The following SLC2A1 variants were observed in gnomAD, a reference collection of about 807,000 sequenced individuals.
The protein encoded by SLC2A1 is solute carrier family 2 member 1.
A neutral mutation model predicts 46.6 loss-of-function variants in SLC2A1; 4 were observed. That is an observed-to-expected ratio of 0.09 (90% CI 0.04 to 0.20). The LOEUF is 0.20. SLC2A1 is among the 10% of genes least tolerant of loss of function. SLC2A1 has a pLI of 1.00. For synonymous variants in SLC2A1, 253 were observed against 270.0 expected (o/e 0.94, Z 0.62); for missense variants, 352 against 667.0 (o/e 0.53, Z 5.20).
chr1:42,958,586 G>C (rs1339250074), intron 1 of SLC2A1, 48 bp downstream of exon 1: 1 of 1,502,210 alleles, frequency 6.7e-7, no homozygotes, highest in African/African-American at 1.4e-5. Context: ...GCGGGCAGGA[G>C]TCTGCGCCTT....
intron 1 of SLC2A1, among the ~76,000 whole-genome samples, chr1:42,944,766 C>A (rs924713864): frequency 2.6e-5 from 4 of 152,216 alleles, no homozygotes; most frequent in African/African-American, 9.7e-5. Context: ...TCCCATTAGT[C>A]TGTCTACCTG....
At chr1:42,932,428 T>G (rs1327157887) in intron 2 of SLC2A1, among the ~76,000 whole-genome samples, 1 of 152,204 alleles carries the variant, frequency 6.6e-6, no homozygotes, top group Non-Finnish European at 1.5e-5. Flanking sequence ...CGGCTTCTTA[T>G]GCACGTATAC....
intron 1 of SLC2A1, among the ~76,000 whole-genome samples, chr1:42,947,122 A>G (rs900837): frequency 0.78 from 119,422 of 152,194 alleles, 46,967 homozygotes; most frequent in African/African-American, 0.79. Flanking sequence ...GCCAGTGGCT[A>G]GAACTGGAAC....
intron 1 of SLC2A1, 52 bp downstream of exon 1, chr1:42,958,582 A>T: frequency 1.4e-6 from 2 of 1,477,760 alleles, no homozygotes; most frequent in South Asian, 1.3e-5. Context: ...TAAGGCGGGC[A>T]GGAGTCTGCG....
At chr1:42,941,084 T>C (rs372107495) in intron 2 of SLC2A1, among the ~76,000 whole-genome samples, 3 of 152,228 alleles carry the variant, frequency 2.0e-5, no homozygotes, top group Admixed American at 2.0e-4. Flanking sequence ...TTTGCTTTTA[T>C]GTCACTAGTC....
intron 2 of SLC2A1, 179 bp downstream of exon 2, chr1:42,943,047 T>C: frequency 1.5e-6 from 1 of 647,064 alleles, no homozygotes; most frequent in Non-Finnish European, 2.8e-6. Context: ...CCACCCTGAT[T>C]CCAAAGCAAG....
chr1:42,948,917 A>C (rs1643689856), intron 1 of SLC2A1, among the ~76,000 whole-genome samples: 1 of 152,220 alleles, frequency 6.6e-6, no homozygotes, highest in South Asian at 2.1e-4. Context: ...ACAAAAAAAA[A>C]ATTAGCCCGG....
chr1:42,929,434 A>G lies in SLC2A1; in HGVS notation c.868-120T>C, dbSNP rs1013777153. ...ATGAAGGGGACAAATACTCAGGCAG[A>G]AGGGACACTGCACTGCAGTGACCTT... On this transcript the variant is annotated intron_variant, in intron 6 of 9. Transcript: ENST00000426263. This position sits in a 1 kb window ranked among gnomAD's most constrained non-coding sequence, Gnocchi z 6.0. 4 of 1,078,494 alleles carry G rather than the reference A, an allele frequency of 3.7e-6. 1 individual carries two copies. The highest frequency in any genetic ancestry group is 4.2e-6 in the Non-Finnish European group (3 of 710,834). 66.8% of individuals were successfully genotyped at this position (1,078,494 alleles called of 1,614,324 possible). A position where few individuals can be genotyped will look rare whatever the true frequency, so the allele number is the denominator to read the frequency against.
intron 2 of SLC2A1, among the ~76,000 whole-genome samples, chr1:42,933,500 T>C (rs1373972635): frequency 6.6e-6 from 1 of 152,110 alleles, no homozygotes; most frequent in South Asian, 2.1e-4. Context: ...GGTGAGGAAA[T>C]GGAGGAATCG....
At chr1:42,947,248 G>A (rs1220371192) in intron 1 of SLC2A1, among the ~76,000 whole-genome samples, 1 of 152,172 alleles carries the variant, frequency 6.6e-6, no homozygotes, top group African/African-American at 2.4e-5. Context: ...TGATTTTCTT[G>A]TGGGAGCCTT....
intron 1 of SLC2A1, among the ~76,000 whole-genome samples, chr1:42,950,237 C>A (rs186419838): frequency 3.9e-5 from 6 of 152,368 alleles, no homozygotes; most frequent in Non-Finnish European, 7.3e-5. Flanking sequence ...TTGTCTACAG[C>A]TGCTTTTGTA....
intron 2 of SLC2A1, among the ~76,000 whole-genome samples, chr1:42,931,920 C>T (rs1643494918): frequency 6.6e-6 from 1 of 152,096 alleles, no homozygotes; most frequent in South Asian, 2.1e-4. Flanking sequence ...CCCAGGGGCC[C>T]ATCTCCTGCC....
chr1:42,950,015 G>A (rs982844603), intron 1 of SLC2A1, among the ~76,000 whole-genome samples: 6 of 152,136 alleles, frequency 3.9e-5, no homozygotes, highest in Admixed American at 6.5e-5. Flanking sequence ...GAGACAGCCC[G>A]GGCACAGGCT....
At position 42,929,482 on chromosome 1, in the gene SLC2A1, A is replaced by G. The variant is rs1643463611; in HGVS notation, c.867+111T>C. On this transcript the variant is annotated intron_variant, in intron 6 of 9. Coordinates refer to ENST00000426263, the MANE Select transcript of SLC2A1 (RefSeq NM_006516.4). This position sits in a 1 kb window ranked among gnomAD's most constrained non-coding sequence, Gnocchi z 6.0. ...CTTACGGGCTTGGGGTCTAAAGGGA[A>G]ACTTCTTCGGCAGAGGCGTATCTGT... The G allele has an allele frequency of 8.1e-7, 1 of 1,233,258 alleles. No homozygotes were observed. Among genetic ancestry groups the G allele is most frequent in the South Asian group, 1.2e-5 (1 of 80,756 alleles). 76.4% of individuals were successfully genotyped at this position (1,233,258 alleles called of 1,614,324 possible). A position where few individuals can be genotyped will look rare whatever the true frequency, so the allele number is the denominator to read the frequency against.
chr1:42,954,597 TCTTCC>T lies in SLC2A1; in HGVS notation c.18+4032_18+4036del, dbSNP rs923772905. Among the ~76,000 whole-genome samples, 7 of 152,146 alleles carry T rather than the reference TCTTCC, an allele frequency of 4.6e-5. No individual in the cohort carries two copies. Among genetic ancestry groups the T allele is most frequent in the African/African-American group, 1.7e-4 (7 of 41,430 alleles). On this transcript the variant is annotated intron_variant, in intron 1 of 9. Coordinates refer to ENST00000426263, the MANE Select transcript of SLC2A1 (RefSeq NM_006516.4). This position sits in a 1 kb window ranked among gnomAD's most constrained non-coding sequence, Gnocchi z 4.2. ...GTGATAGCCTTATCTCGGACAAATCTCTTCCCTTCTCTGGACTCAATTTCCCCATT... is the reference window on the plus strand; with the variant it reads ...GTGATAGCCTTATCTCGGACAAATCTCTTCTCTGGACTCAATTTCCCCATT...
intron 2 of SLC2A1, 54 bp from the exon 3 acceptor site, chr1:42,931,260 T>G: frequency 1.3e-6 from 2 of 1,575,542 alleles, no homozygotes; most frequent in Non-Finnish European, 1.7e-6. Flanking sequence ...GACCCAGTCT[T>G]CCTTTTCCTT....
chr1:42,925,928 A>G lies in SLC2A1; in HGVS notation c.*1113T>C, dbSNP rs1314731591. 1 of 152,200 alleles carries G rather than the reference A, an allele frequency of 6.6e-6. No homozygotes were observed. The highest frequency in any genetic ancestry group is 6.5e-5 in the Admixed American group (1 of 15,280). The allele number at this position is 152,200 out of a possible 1,614,324, so 9.4% of individuals were successfully genotyped here. ...AGTGTTTTTTTGAACACCAACTATC[A>G]AATATGTGATAGAAATGCCTTGAAT... On this transcript the variant is annotated 3_prime_UTR_variant, in exon 10 of 10. Coordinates refer to ENST00000426263, the MANE Select transcript of SLC2A1 (RefSeq NM_006516.4).
intron 2 of SLC2A1, among the ~76,000 whole-genome samples, chr1:42,938,750 C>G (rs994069992): frequency 1.3e-5 from 2 of 152,214 alleles, no homozygotes; most frequent in African/African-American, 4.8e-5. Flanking sequence ...TCTCACTGCC[C>G]AGACACCTGC....
intron 2 of SLC2A1, among the ~76,000 whole-genome samples, chr1:42,938,805 G>A (rs1643567988): frequency 6.6e-6 from 1 of 152,210 alleles, no homozygotes; most frequent in South Asian, 2.1e-4. Flanking sequence ...GGTCGAGCAT[G>A]GCTGCCAAGT....
Sources: allele counts gnomAD v4.1 joint callset (sites outside exome capture counted in the v4.1 genomes callset), GRCh38; gene constraint gnomAD v4.1.1; non-coding constraint Gnocchi (gnomAD v3.1); transcripts MANE v1.5; gene names NCBI Gene and HGNC (gene_info 2026-07-23, HGNC 2026-07-21).